MGAT4C: variants seen among roughly 807,000 people sequenced by gnomAD.
MGAT4C encodes the protein alpha-1,3-mannosyl-glycoprotein 4-beta-N-acetylglucosaminyltransferase C.
Under a neutral mutation model 40.1 loss-of-function variants are expected in MGAT4C, and 19 were observed. The observed-to-expected ratio is 0.47, with a 90% CI of 0.33 to 0.70. MGAT4C has a LOEUF of 0.70. Ranked by LOEUF, MGAT4C falls within the 30% of genes least tolerant of loss-of-function variation. The pLI, the probability that MGAT4C is intolerant of heterozygous loss-of-function variation, is 0.02. For synonymous variants in MGAT4C, 181 were observed against 187.1 expected (o/e 0.97, Z 0.27); for missense variants, 491 against 563.2 (o/e 0.87, Z 1.30).
intron 2 of MGAT4C, among the ~76,000 whole-genome samples, chr12:86,700,175 A>AGAT (rs1296259763): frequency 7.2e-5 from 9 of 124,660 alleles, no homozygotes; most frequent in African/African-American, 2.3e-4. Flanking sequence ...ACAGACAGAC[A>AGAT]GACAGATAGA....
At chr12:86,759,700 T>C (rs1951367909) in intron 1 of MGAT4C, among the ~76,000 whole-genome samples, 1 of 152,166 alleles carries the variant, frequency 6.6e-6, no homozygotes, top group Non-Finnish European at 1.5e-5. Flanking sequence ...AAATGTCTAT[T>C]CAGGTATTTT....
At chr12:86,179,722 G>A (rs1274732602) in intron 1 of MGAT4C, among the ~76,000 whole-genome samples, 1 of 152,134 alleles carries the variant, frequency 6.6e-6, no homozygotes, top group Non-Finnish European at 1.5e-5. Flanking sequence ...ATGATTTAGG[G>A]TATCTGGCAG....
chr12:86,472,358 G>T (rs1957768603), intron 2 of MGAT4C, among the ~76,000 whole-genome samples: 1 of 152,058 alleles, frequency 6.6e-6, no homozygotes, highest in Admixed American at 6.5e-5. Flanking sequence ...GCCTAAGGAG[G>T]TTTCCTGTCT....
At chr12:86,415,109 G>A (rs1956681720) in intron 3 of MGAT4C, among the ~76,000 whole-genome samples, 1 of 151,978 alleles carries the variant, frequency 6.6e-6, no homozygotes, top group Non-Finnish European at 1.5e-5. Context: ...AGAAAGGAAT[G>A]AATGAGAGGC....
chr12:86,095,994 G>A (rs1873843038), intron 1 of MGAT4C, among the ~76,000 whole-genome samples: 1 of 151,682 alleles, frequency 6.6e-6, no homozygotes, highest in Non-Finnish European at 1.5e-5. Flanking sequence ...AATTCTCCAT[G>A]TTTATAGCAG....
chr12:86,632,540 A>G (rs1033286306), intron 2 of MGAT4C, among the ~76,000 whole-genome samples: 2 of 152,172 alleles, frequency 1.3e-5, no homozygotes, highest in Non-Finnish European at 2.9e-5. Context: ...GATTAAGAAA[A>G]TGGGCACATA....
At chr12:86,586,751 T>G (rs1382315539) in intron 2 of MGAT4C, among the ~76,000 whole-genome samples, 1 of 151,350 alleles carries the variant, frequency 6.6e-6, no homozygotes, top group Non-Finnish European at 1.5e-5. Context: ...AATGTCTTCT[T>G]TTGAGAAGTG....
At chr12:86,267,572 C>A (rs1376014149) in intron 4 of MGAT4C, among the ~76,000 whole-genome samples, 1 of 151,810 alleles carries the variant, frequency 6.6e-6, no homozygotes, top group Non-Finnish European at 1.5e-5. Context: ...TCAGAGCTGT[C>A]TTTTTAATTC....
At chr12:86,380,144 G>A (rs947344968) in intron 3 of MGAT4C, among the ~76,000 whole-genome samples, 3 of 151,912 alleles carry the variant, frequency 2.0e-5, no homozygotes, top group South Asian at 2.1e-4. Context: ...CACTGAATAC[G>A]TTTAAATTGG....
At chr12:86,095,418 T>A (rs551233581) in intron 1 of MGAT4C, among the ~76,000 whole-genome samples, 1 of 152,206 alleles carries the variant, frequency 6.6e-6, no homozygotes, top group Non-Finnish European at 1.5e-5. Context: ...GGATGCTTTC[T>A]AATTGCTTTT....
At chr12:86,693,449 G>T (rs1231388016) in intron 2 of MGAT4C, among the ~76,000 whole-genome samples, 3 of 152,122 alleles carry the variant, frequency 2.0e-5, no homozygotes, top group African/African-American at 7.2e-5. Flanking sequence ...TGATAAAAAT[G>T]TGTCAGTATC....
At chr12:86,334,712 A>G (rs1954746037) in intron 3 of MGAT4C, among the ~76,000 whole-genome samples, 1 of 152,130 alleles carries the variant, frequency 6.6e-6, no homozygotes, top group African/African-American at 2.4e-5. Flanking sequence ...AATAATTTAA[A>G]CCACATTAAA....
intron 2 of MGAT4C, among the ~76,000 whole-genome samples, chr12:86,533,375 G>A (rs1279308377): frequency 6.6e-6 from 1 of 151,878 alleles, no homozygotes; most frequent in African/African-American, 2.4e-5. Flanking sequence ...CCCATTCTGT[G>A]GAGAAGGAGT....
chr12:86,704,777 G>A (rs1950426088), intron 2 of MGAT4C, among the ~76,000 whole-genome samples: 1 of 152,152 alleles, frequency 6.6e-6, no homozygotes, highest in African/African-American at 2.4e-5. Context: ...AAGTCTGTAT[G>A]AAGGAGTGTA....
At chr12:86,631,308 T>C (rs1326728354) in intron 2 of MGAT4C, among the ~76,000 whole-genome samples, 2 of 152,002 alleles carry the variant, frequency 1.3e-5, no homozygotes, top group Admixed American at 1.3e-4. Context: ...AGAATCAAAA[T>C]CGTGAATATG....
At chr12:86,578,388 AGAAT>A (rs1285076970) in intron 2 of MGAT4C, among the ~76,000 whole-genome samples, 1 of 151,864 alleles carries the variant, frequency 6.6e-6, no homozygotes, top group Admixed American at 6.6e-5. Context: ...CTGGCCTCAT[AGAAT>A]GAATTTGGAA....
chr12:86,416,439 A>G (rs1333063647), intron 3 of MGAT4C, among the ~76,000 whole-genome samples: 1 of 152,138 alleles, frequency 6.6e-6, no homozygotes, highest in Non-Finnish European at 1.5e-5. Flanking sequence ...AAGACTGAAT[A>G]GCTGTGACAT....
chr12:86,753,762 G>T (rs970390023), intron 1 of MGAT4C, among the ~76,000 whole-genome samples: 7 of 152,034 alleles, frequency 4.6e-5, no homozygotes, highest in Non-Finnish European at 7.4e-5. Flanking sequence ...ATGAAAAGAT[G>T]CTTGATATCA....
chr12:86,448,788 C>T (rs1014106731), intron 2 of MGAT4C, among the ~76,000 whole-genome samples: 1 of 152,118 alleles, frequency 6.6e-6, no homozygotes, highest in Non-Finnish European at 1.5e-5. Context: ...TATGTTTCTT[C>T]CCCAGACAAA....
Sources: gnomAD v4.1 joint callset for allele counts (sites outside exome capture counted in the v4.1 genomes callset) on GRCh38, gnomAD v4.1.1 for gene constraint, MANE v1.5 for transcripts, NCBI Gene and HGNC (gene_info 2026-07-23, HGNC 2026-07-21) for gene names.